Variants in SORCS2 observed in about 807,000 individuals in gnomAD.
The protein encoded by SORCS2 is sortilin related VPS10 domain containing receptor 2, also known as VPS10 domain-containing receptor SorCS2.
SORCS2 carries 100 observed loss-of-function variants against 141.6 expected under a neutral mutation model. That is an observed-to-expected ratio of 0.71 (90% CI 0.60 to 0.83). SORCS2 has a LOEUF of 0.83. Ranked by LOEUF, SORCS2 falls within the 40% of genes least tolerant of loss-of-function variation. SORCS2 has a pLI of 0.00. For synonymous variants in SORCS2, 789 were observed against 676.9 expected (o/e 1.17, Z -2.57); for missense variants, 1,646 against 1,560.2 (o/e 1.05, Z -0.93).
intron 3 of SORCS2, among the ~76,000 whole-genome samples, chr4:7,588,538 G>C (rs1470954595): frequency 6.6e-6 from 1 of 152,200 alleles, no homozygotes; most frequent in Non-Finnish European, 1.5e-5. Flanking sequence ...ATGGCACTTG[G>C]AGGATCAAGT....
chr4:7,705,467 C>A (rs1366708981), intron 14 of SORCS2, among the ~76,000 whole-genome samples: 1 of 152,260 alleles, frequency 6.6e-6, no homozygotes, highest in African/African-American at 2.4e-5. Flanking sequence ...GCTCTTCCAC[C>A]TCAAGGCCTA....
At chr4:7,462,568 G>A (rs567415417) in intron 2 of SORCS2, among the ~76,000 whole-genome samples, 2 of 152,062 alleles carry the variant, frequency 1.3e-5, no homozygotes, top group East Asian at 3.9e-4. Context: ...ACCTGGAGGC[G>A]ACTCACAGTC....
chr4:7,338,816 T>G (rs1375598504), intron 1 of SORCS2, among the ~76,000 whole-genome samples: 2 of 152,182 alleles, frequency 1.3e-5, no homozygotes, highest in Non-Finnish European at 2.9e-5. Flanking sequence ...TTGTTATAAT[T>G]CCTCTGGCCC....
chr4:7,568,204 C>A (rs570051337), intron 3 of SORCS2, among the ~76,000 whole-genome samples: 1 of 152,176 alleles, frequency 6.6e-6, no homozygotes, highest in African/African-American at 2.4e-5. Context: ...CAGTGCCCTT[C>A]GTGGCTCAAA....
At chr4:7,213,497 C>T (rs13144864) in intron 1 of SORCS2, among the ~76,000 whole-genome samples, 53,105 of 152,020 alleles carry the variant, frequency 0.35, 9,968 homozygotes, top group East Asian at 0.54. Context: ...GCCTTGGAGG[C>T]GGAGGTGCTC....
At chr4:7,573,277 A>G (rs1715516208) in intron 3 of SORCS2, among the ~76,000 whole-genome samples, 1 of 152,230 alleles carries the variant, frequency 6.6e-6, no homozygotes, top group Admixed American at 6.5e-5. Flanking sequence ...AAAGTCTCCT[A>G]TTGAAAGGTG....
intron 2 of SORCS2, among the ~76,000 whole-genome samples, chr4:7,472,624 C>T (rs771096441): frequency 1.1e-4 from 17 of 152,246 alleles, no homozygotes; most frequent in African/African-American, 3.4e-4. Flanking sequence ...CTTTCACACA[C>T]GCCGCGCTTC....
At chr4:7,495,800 G>C (rs1357185977) in intron 2 of SORCS2, among the ~76,000 whole-genome samples, 3 of 152,210 alleles carry the variant, frequency 2.0e-5, no homozygotes, top group East Asian at 1.9e-4. Context: ...GATTGAGTCT[G>C]AGCTGCGTGG....
chr4:7,619,140 G>A lies in SORCS2; in HGVS notation c.649-19188G>A, dbSNP rs143726955. Among the ~76,000 whole-genome samples, 19 of 152,316 alleles carry A rather than the reference G, an allele frequency of 1.2e-4. No individual in the cohort carries two copies. In the South Asian group the frequency reaches 1.5e-3, roughly 12 times the overall value. On this transcript the variant is annotated intron_variant, in intron 3 of 26. Coordinates refer to ENST00000507866, the MANE Select transcript of SORCS2 (RefSeq NM_020777.3). Reference sequence around the variant, plus strand: ...GCTCCAGGAAGCTATCACCCCTCTCGAGGGTCAGCTACGAGGGTTCATGAG... The same window carrying A: ...GCTCCAGGAAGCTATCACCCCTCTCAAGGGTCAGCTACGAGGGTTCATGAG...
intron 1 of SORCS2, among the ~76,000 whole-genome samples, chr4:7,377,357 G>T (rs199732680): frequency 6.8e-5 from 1 of 14,772 alleles, no homozygotes; most frequent in African/African-American, 2.8e-4. Context: ...GGGCTGTGAC[G>T]GGGGGGACAG....
intron 1 of SORCS2, among the ~76,000 whole-genome samples, chr4:7,307,472 CAG>C (rs1390895096): frequency 1.3e-5 from 2 of 152,158 alleles, no homozygotes; most frequent in Admixed American, 1.3e-4. Context: ...GATGGGGAAA[CAG>C]AGGCTCAGAG....
intron 3 of SORCS2, among the ~76,000 whole-genome samples, chr4:7,600,442 A>G (rs1029983391): frequency 1.3e-5 from 2 of 152,112 alleles, no homozygotes; most frequent in East Asian, 3.9e-4. Context: ...CACCGTCCCC[A>G]CCCAAGCCCG....
At chr4:7,632,937 G>A (rs1223233053) in intron 3 of SORCS2, among the ~76,000 whole-genome samples, 1 of 152,312 alleles carries the variant, frequency 6.6e-6, no homozygotes, top group East Asian at 1.9e-4. Flanking sequence ...CCTTTGAAAT[G>A]AGTCTTGCAG....
At position 7,232,401 on chromosome 4, in the gene SORCS2, C is replaced by A. The variant is rs544272725; in HGVS notation, c.480+39275C>A. On this transcript the variant is annotated intron_variant, in intron 1 of 26. Coordinates refer to ENST00000507866, the MANE Select transcript of SORCS2 (RefSeq NM_020777.3). ...ACTCCTAGGACCCAGGGCCCGGCGC[C>A]TGGACGCCGGAGAGCGCTAGTTAGC... Among the ~76,000 whole-genome samples, 157 of 152,302 alleles carry A rather than the reference C, an allele frequency of 1.0e-3. 2 individuals carry two copies. Among genetic ancestry groups the A allele is most frequent in the African/African-American group, 3.7e-3 (153 of 41,562 alleles).
rs58116563 is a variant in SORCS2 at position 7,639,277 on chromosome 4, C to T, written c.813+785C>T. ...AAGTGTCAGTGGAGCTGCACTTCCC[C>T]CTGGGCTCTAGGGAGGAGTCCAACC... On this transcript the variant is annotated intron_variant, in intron 4 of 26. Coordinates refer to ENST00000507866, the MANE Select transcript of SORCS2 (RefSeq NM_020777.3). 8.4e-3 allele frequency among the ~76,000 whole-genome samples: 1,276 copies of T among 152,344 alleles called. 20 individuals carry two copies. The highest frequency in any genetic ancestry group is 0.029 in the African/African-American group (1,199 of 41,574).
intron 3 of SORCS2, among the ~76,000 whole-genome samples, chr4:7,531,853 T>A (rs965181792): frequency 6.6e-6 from 1 of 152,242 alleles, no homozygotes; most frequent in Non-Finnish European, 1.5e-5. Flanking sequence ...ACCGCCTGCA[T>A]ACCTAGGGCA....
chr4:7,485,874 A>G (rs1730949562), intron 2 of SORCS2, among the ~76,000 whole-genome samples: 1 of 152,144 alleles, frequency 6.6e-6, no homozygotes, highest in Admixed American at 6.5e-5. Flanking sequence ...AGGGAGGCTC[A>G]GGGCGGGTAG....
intron 2 of SORCS2, among the ~76,000 whole-genome samples, chr4:7,486,050 A>C (rs1730960641): frequency 6.6e-6 from 1 of 152,138 alleles, no homozygotes; most frequent in African/African-American, 2.4e-5. Flanking sequence ...AAGCCCACGG[A>C]TGTCACCCAC....
intron 1 of SORCS2, among the ~76,000 whole-genome samples, chr4:7,361,550 C>CT (rs1367315507): frequency 1.3e-5 from 2 of 152,020 alleles, no homozygotes; most frequent in Admixed American, 1.3e-4. Flanking sequence ...AGCTGCAGGC[C>CT]CCCTGCCTCT....
Sources: allele counts gnomAD v4.1 joint callset (sites outside exome capture counted in the v4.1 genomes callset), GRCh38; gene constraint gnomAD v4.1.1; transcripts MANE v1.5; gene names NCBI Gene and HGNC (gene_info 2026-07-23, HGNC 2026-07-21).